Variants in PCDH9 observed in about 807,000 individuals in gnomAD.
The protein encoded by PCDH9 is protocadherin 9.
A neutral mutation model predicts 70.6 loss-of-function variants in PCDH9; 24 were observed. The observed-to-expected ratio is 0.34, with a 90% CI of 0.25 to 0.48. The LOEUF (loss-of-function observed/expected upper bound fraction) is 0.48, where lower values mean the gene tolerates loss of function less well. Ranked by LOEUF, PCDH9 falls within the 20% of genes least tolerant of loss-of-function variation. The pLI is 0.99. For synonymous variants in PCDH9, 562 were observed against 558.5 expected, an observed-to-expected ratio of 1.01 and a Z score of -0.09; for missense variants, 1,281 against 1,503.6, an observed-to-expected ratio of 0.85 and a Z score of 2.45.
At chr13:67,175,660 T>C (rs1555316049) in intron 2 of PCDH9, among the ~76,000 whole-genome samples, 1 of 152,182 alleles carries the variant, frequency 6.6e-6, no homozygotes, top group Non-Finnish European at 1.5e-5. Context: ...GCTTCATAAA[T>C]ACATTTTCCC....
intron 4 of PCDH9, among the ~76,000 whole-genome samples, chr13:66,318,756 C>A (rs1490903854): frequency 2.0e-5 from 3 of 152,076 alleles, no homozygotes; most frequent in African/African-American, 7.2e-5. Flanking sequence ...CCAATAATTT[C>A]TTCTGAAAAG....
At chr13:66,485,620 G>T (rs1011617912) in intron 4 of PCDH9, among the ~76,000 whole-genome samples, 1 of 149,810 alleles carries the variant, frequency 6.7e-6, no homozygotes, top group African/African-American at 2.5e-5. Context: ...TATAGAGAGA[G>T]AGACAGAGAC....
chr13:66,616,377 C>T (rs1685728183), intron 4 of PCDH9, among the ~76,000 whole-genome samples: 1 of 141,852 alleles, frequency 7.0e-6, no homozygotes, highest in African/African-American at 2.6e-5. Context: ...ATCTATTTTG[C>T]AAACCACTCA....
chr13:66,522,249 A>G (rs1960028255), intron 4 of PCDH9, among the ~76,000 whole-genome samples: 1 of 151,890 alleles, frequency 6.6e-6, no homozygotes, highest in African/African-American at 2.4e-5. Context: ...AAAATCTTGT[A>G]TCTTAAAATA....
rs142025718 is a variant in PCDH9, at chr13:67,009,043, T to C, written c.3037-105438A>G. ...TTTTATTTTTATTTTTATATTTTTT[T>C]ATTTATTACCAAACATCTTCATTAT... On this transcript the variant is annotated intron_variant, in intron 2 of 4. Coordinates refer to ENST00000377865, the MANE Select transcript of PCDH9 (RefSeq NM_203487.3). Among the ~76,000 whole-genome samples the C allele has an allele frequency of 4.1e-4, 62 of 152,234 alleles. 1 individual carries two copies. The highest frequency in any genetic ancestry group is 1.3e-3 in the African/African-American group (54 of 41,566).
At chr13:67,186,267 A>G (rs1240157064) in intron 2 of PCDH9, among the ~76,000 whole-genome samples, 1 of 152,160 alleles carries the variant, frequency 6.6e-6, no homozygotes, top group Admixed American at 6.6e-5. Flanking sequence ...TCACCTTTGA[A>G]TATGTTGAGT....
At chr13:67,172,720 A>G (rs965241291) in intron 2 of PCDH9, among the ~76,000 whole-genome samples, 40 of 151,948 alleles carry the variant, frequency 2.6e-4, no homozygotes, top group African/African-American at 9.4e-4. Context: ...TCTACTAAAA[A>G]TACAAAAATT....
At chr13:66,801,372 T>G (rs987381687) in intron 3 of PCDH9, among the ~76,000 whole-genome samples, 1 of 152,106 alleles carries the variant, frequency 6.6e-6, no homozygotes, top group African/African-American at 2.4e-5. Context: ...GTATAGGCAT[T>G]GCCAAGGTCA....
intron 2 of PCDH9, among the ~76,000 whole-genome samples, chr13:67,020,735 T>C (rs1307374486): frequency 6.6e-6 from 1 of 152,184 alleles, no homozygotes; most frequent in Non-Finnish European, 1.5e-5. Flanking sequence ...TTATAACATA[T>C]CATATGTGGA....
chr13:66,389,184 C>T (rs756731801), intron 4 of PCDH9, among the ~76,000 whole-genome samples: 1 of 151,994 alleles, frequency 6.6e-6, no homozygotes, highest in African/African-American at 2.4e-5. Flanking sequence ...AGCATCTAGT[C>T]CTAATGTTTA....
At chr13:66,405,786 T>C (rs1957270235) in intron 4 of PCDH9, among the ~76,000 whole-genome samples, 1 of 152,202 alleles carries the variant, frequency 6.6e-6, no homozygotes, top group South Asian at 2.1e-4. Flanking sequence ...TGGAGTCTTA[T>C]AAATGTGGCA....
intron 2 of PCDH9, among the ~76,000 whole-genome samples, chr13:67,074,069 T>TATC (rs1555304245): frequency 2.0e-4 from 30 of 148,814 alleles, no homozygotes; most frequent in Admixed American, 1.4e-3. Context: ...TCTATCTATC[T>TATC]ATCTGTTTAT....
intron 4 of PCDH9, among the ~76,000 whole-genome samples, chr13:66,539,986 T>C (rs1960881725): frequency 2.0e-5 from 3 of 151,072 alleles, no homozygotes; most frequent in Admixed American, 6.6e-5. Context: ...GCTCCTACCT[T>C]AGCCTCCTGA....
At chr13:66,592,186 A>AT (rs982211207) in intron 4 of PCDH9, among the ~76,000 whole-genome samples, 1 of 151,718 alleles carries the variant, frequency 6.6e-6, no homozygotes, top group Non-Finnish European at 1.5e-5. Context: ...GGCAAGGTTC[A>AT]ATCAACCAAG....
At chr13:66,359,154 G>A (rs896997461) in intron 4 of PCDH9, among the ~76,000 whole-genome samples, 3 of 151,894 alleles carry the variant, frequency 2.0e-5, no homozygotes, top group Non-Finnish European at 4.4e-5. Context: ...AATTGACTAC[G>A]ATTTTGTTAC....
chr13:66,766,696 A>T, intron 3 of PCDH9, among the ~76,000 whole-genome samples: 1 of 151,966 alleles, frequency 6.6e-6, no homozygotes. Context: ...AGCTTCAGTC[A>T]GTCAAATCTA....
At chr13:67,168,372 G>A (rs1329231763) in intron 2 of PCDH9, among the ~76,000 whole-genome samples, 2 of 152,076 alleles carry the variant, frequency 1.3e-5, no homozygotes, top group East Asian at 3.8e-4. Context: ...GAAGAAATAT[G>A]GAGAGTGAAA....
At chr13:66,578,688 AAGTC>A (rs1487575970) in intron 4 of PCDH9, among the ~76,000 whole-genome samples, 2 of 152,096 alleles carry the variant, frequency 1.3e-5, no homozygotes, top group Admixed American at 6.6e-5. Flanking sequence ...AAAAAAGAAA[AAGTC>A]AGGCTTTGAA....
At chr13:66,416,064 CTA>C (rs1244643630) in intron 4 of PCDH9, among the ~76,000 whole-genome samples, 9 of 152,224 alleles carry the variant, frequency 5.9e-5, no homozygotes, top group Admixed American at 2.0e-4. Context: ...TTATTAAATC[CTA>C]AGTGTTGCTT....
Sources: gnomAD v4.1 joint callset for allele counts (sites outside exome capture counted in the v4.1 genomes callset) on GRCh38, gnomAD v4.1.1 for gene constraint, MANE v1.5 for transcripts, NCBI Gene and HGNC (gene_info 2026-07-23, HGNC 2026-07-21) for gene names.